PLXDC2: variants seen among roughly 807,000 people sequenced by gnomAD.
PLXDC2 encodes the protein plexin domain containing 2.
Under a neutral mutation model 68.9 loss-of-function variants are expected in PLXDC2, and 40 were observed. The observed-to-expected ratio is 0.58, with a 90% CI of 0.45 to 0.76. The LOEUF is 0.76. Ranked by LOEUF, PLXDC2 falls within the 30% of genes least tolerant of loss-of-function variation. The pLI is 0.00. For missense variants in PLXDC2, 644 were observed against 661.9 expected (o/e 0.97, Z 0.30); for synonymous variants, 243 against 234.2 (o/e 1.04, Z -0.34).
At chr10:19,863,146 T>G (rs1005380609) in intron 1 of PLXDC2, among the ~76,000 whole-genome samples, 9 of 152,234 alleles carry the variant, frequency 5.9e-5, no homozygotes, top group Non-Finnish European at 1.3e-4. Flanking sequence ...ATTTCAATTT[T>G]TAATGGCATC....
At chr10:20,258,036 C>T (rs1366868630) in intron 13 of PLXDC2, among the ~76,000 whole-genome samples, 1 of 122,314 alleles carries the variant, frequency 8.2e-6, no homozygotes, top group Non-Finnish European at 1.6e-5. Context: ...GAGTTTTGCA[C>T]AGCCACTCAG....
chr10:19,983,973 A>T (rs1834595258), intron 1 of PLXDC2, among the ~76,000 whole-genome samples: 1 of 152,226 alleles, frequency 6.6e-6, no homozygotes, highest in Non-Finnish European at 1.5e-5. Context: ...AGGCAGGCCC[A>T]AACTATAGGG....
intron 4 of PLXDC2, among the ~76,000 whole-genome samples, chr10:20,118,495 C>T (rs1390518202): frequency 6.6e-6 from 1 of 152,174 alleles, no homozygotes; most frequent in Non-Finnish European, 1.5e-5. Context: ...ACATTCTGGC[C>T]AGAACCAAGG....
At chr10:19,943,821 G>A (rs1833858008) in intron 1 of PLXDC2, among the ~76,000 whole-genome samples, 1 of 152,160 alleles carries the variant, frequency 6.6e-6, no homozygotes, top group Non-Finnish European at 1.5e-5. Flanking sequence ...GGCTATTTCA[G>A]TGACTTGTCT....
chr10:20,066,465 A>G (rs2131704822), intron 3 of PLXDC2, among the ~76,000 whole-genome samples: 1 of 152,376 alleles, frequency 6.6e-6, no homozygotes, highest in African/African-American at 2.4e-5. Flanking sequence ...GAAATAAATT[A>G]GAATGATGGA....
intron 1 of PLXDC2, among the ~76,000 whole-genome samples, chr10:19,871,851 A>T (rs1360367741): frequency 2.0e-5 from 3 of 148,088 alleles, no homozygotes. Flanking sequence ...ACGCCACCGC[A>T]CTCCAGCCTG....
At position 20,035,463 on chromosome 10, in the gene PLXDC2, G is replaced by A. The variant is rs147145948; in HGVS notation, c.325-11406G>A. 4.5e-3 allele frequency among the ~76,000 whole-genome samples: 677 copies of A among 152,124 alleles called. 5 individuals are homozygous for A. Among genetic ancestry groups the A allele is most frequent in the African/African-American group, 0.014 (572 of 41,516 alleles). On this transcript the variant is annotated intron_variant, in intron 2 of 13. Coordinates refer to ENST00000377252, the MANE Select transcript of PLXDC2 (RefSeq NM_032812.9). ...TGTAATCCCAGCATTTTGGGAGGTC[G>A]AGGAGGGTGGATCACTTGAGGTCGG... is the stretch of plus-strand genomic sequence containing the variant.
intron 10 of PLXDC2, among the ~76,000 whole-genome samples, 173 bp from the exon 11 acceptor site, chr10:20,217,253 T>A (rs1178192703): frequency 6.6e-6 from 1 of 152,188 alleles, no homozygotes; most frequent in Admixed American, 6.5e-5. Flanking sequence ...TCTTTCCTAT[T>A]TTATAAACTT....
chr10:19,837,902 A>G (rs1836829438), intron 1 of PLXDC2, among the ~76,000 whole-genome samples: 1 of 152,184 alleles, frequency 6.6e-6, no homozygotes. Flanking sequence ...ATATTAGCAA[A>G]AAGTGACTAA....
intron 4 of PLXDC2, among the ~76,000 whole-genome samples, chr10:20,075,034 A>C (rs529047352): frequency 6.6e-6 from 1 of 152,184 alleles, no homozygotes; most frequent in Non-Finnish European, 1.5e-5. Flanking sequence ...AGAAAGATGA[A>C]TTGCGTGATG....
At chr10:20,249,207 T>C (rs573008795) in intron 13 of PLXDC2, among the ~76,000 whole-genome samples, 16 of 152,326 alleles carry the variant, frequency 1.1e-4, no homozygotes, top group African/African-American at 2.9e-4. Context: ...TCAATAGCTT[T>C]ATATTGACTG....
At chr10:20,264,813 G>GCC (rs1181187266) in intron 13 of PLXDC2, among the ~76,000 whole-genome samples, 1 of 151,588 alleles carries the variant, frequency 6.6e-6, no homozygotes, top group Non-Finnish European at 1.5e-5. Context: ...TGGATAATAG[G>GCC]AAAGAAAAAA....
At chr10:19,843,236 G>T (rs1049592151) in intron 1 of PLXDC2, among the ~76,000 whole-genome samples, 1 of 151,558 alleles carries the variant, frequency 6.6e-6, no homozygotes, top group East Asian at 1.9e-4. Context: ...TTTCATTGCT[G>T]CATTTTAAAA....
chr10:20,240,219 C>T (rs1416190407), intron 12 of PLXDC2, among the ~76,000 whole-genome samples: 3 of 152,138 alleles, frequency 2.0e-5, no homozygotes, highest in Admixed American at 6.6e-5. Flanking sequence ...CTTAGGACAA[C>T]GGCCTCCACC....
intron 1 of PLXDC2, among the ~76,000 whole-genome samples, chr10:19,818,879 C>T (rs1408410049): frequency 6.6e-6 from 1 of 152,024 alleles, no homozygotes; most frequent in East Asian, 1.9e-4. Context: ...ATGTGTGTGC[C>T]AATGTGCATC....
At chr10:20,143,476 AT>A (rs1252123761) in intron 5 of PLXDC2, 59 bp downstream of exon 5, 1 of 1,595,824 alleles carries the variant, frequency 6.3e-7, no homozygotes. Flanking sequence ...CAAGCATCAG[AT>A]TCATGTTAAT....
At chr10:19,963,842 A>C (rs1834201732) in intron 1 of PLXDC2, among the ~76,000 whole-genome samples, 1 of 152,124 alleles carries the variant, frequency 6.6e-6, no homozygotes, top group Non-Finnish European at 1.5e-5. Flanking sequence ...ATAATAAAAA[A>C]AAAAACAAAA....
In PLXDC2 at chr10:20,143,279, A is replaced by G. The variant is rs1834030016; in HGVS notation, c.542-16A>G. The G allele has an allele frequency of 2.5e-6, 4 of 1,595,682 alleles. No individual in the cohort carries two copies. Among genetic ancestry groups the G allele is most frequent in the Middle Eastern group, 3.5e-4 (2 of 5,652 alleles). ...GCTTCTTTTTCTGAATATGTTTCCTATTTTTCTAATTCTAGGTTTCATATA... is the reference window on the plus strand; with the variant it reads ...GCTTCTTTTTCTGAATATGTTTCCTGTTTTTCTAATTCTAGGTTTCATATA... On this transcript the variant is annotated splice_polypyrimidine_tract_variant and intron_variant, in intron 4 of 13. Coordinates refer to ENST00000377252, the MANE Select transcript of PLXDC2 (RefSeq NM_032812.9).
intron 4 of PLXDC2, among the ~76,000 whole-genome samples, chr10:20,123,891 G>A (rs986392999): frequency 1.3e-5 from 2 of 151,960 alleles, no homozygotes; most frequent in African/African-American, 2.4e-5. Flanking sequence ...AAGAGCTTGG[G>A]GCACGGAAAT....
Sources: allele counts gnomAD v4.1 joint callset (sites outside exome capture counted in the v4.1 genomes callset), GRCh38; gene constraint gnomAD v4.1.1; transcripts MANE v1.5; gene names NCBI Gene and HGNC (gene_info 2026-07-23, HGNC 2026-07-21).